SLC44A5: variants seen among roughly 807,000 people sequenced by gnomAD.
SLC44A5 encodes choline transporter-like protein 5.
A neutral mutation model predicts 101.8 loss-of-function variants in SLC44A5; 57 were observed. The ratio of observed to expected loss-of-function variants is 0.56; its 90% CI spans 0.45 to 0.70. SLC44A5 has a LOEUF of 0.70. Ranked by LOEUF, SLC44A5 falls within the 30% of genes least tolerant of loss-of-function variation. The pLI, the probability that SLC44A5 is intolerant of heterozygous loss-of-function variation, is 0.00. For missense variants in SLC44A5, 737 were observed against 853.1 expected (o/e 0.86, Z 1.70); for synonymous variants, 281 against 290.9 (o/e 0.97, Z 0.35).
intron 6 of SLC44A5, among the ~76,000 whole-genome samples, chr1:75,264,766 A>G (rs1650850412): frequency 6.6e-6 from 1 of 152,146 alleles, no homozygotes; most frequent in Non-Finnish European, 1.5e-5. Flanking sequence ...TAGTAGAAGT[A>G]AATAAATAAA....
intron 12 of SLC44A5, among the ~76,000 whole-genome samples, chr1:75,228,911 G>T (rs1472931239): frequency 6.6e-6 from 1 of 151,010 alleles, no homozygotes; most frequent in African/African-American, 2.4e-5. Flanking sequence ...AATTTTGCCT[G>T]CATAAAATAA....
At chr1:75,532,546 T>G (rs2101923523) in intron 2 of SLC44A5, among the ~76,000 whole-genome samples, 1 of 152,328 alleles carries the variant, frequency 6.6e-6, no homozygotes, top group South Asian at 2.1e-4. Flanking sequence ...TACCATTTCC[T>G]TGTCCCCTTC....
chr1:75,666,134 G>T, the SLC44A5 span, among the ~76,000 whole-genome samples: 1 of 152,090 alleles, frequency 6.6e-6, no homozygotes, highest in South Asian at 2.1e-4. Context: ...ATATCCAAAA[G>T]AAAATAAATT....
chr1:75,588,781 C>A (rs1674172818), intron 1 of SLC44A5, among the ~76,000 whole-genome samples: 1 of 151,870 alleles, frequency 6.6e-6, no homozygotes, highest in South Asian at 2.1e-4. Flanking sequence ...TTATTTCTTC[C>A]ACAAATAATT....
intron 3 of SLC44A5, among the ~76,000 whole-genome samples, chr1:75,378,091 G>A (rs1460582485): frequency 1.2e-5 from 1 of 81,494 alleles, no homozygotes; most frequent in Non-Finnish European, 2.1e-5. Context: ...CTAGGGTGAA[G>A]GTACGCTCGA....
the SLC44A5 span, among the ~76,000 whole-genome samples, chr1:75,701,985 C>G: frequency 2.5e-4 from 38 of 152,058 alleles, no homozygotes; most frequent in South Asian, 1.9e-3. Flanking sequence ...GAACTACAAA[C>G]CACTGCTCAA....
chr1:75,474,775 G>A (rs1264074973), intron 2 of SLC44A5, among the ~76,000 whole-genome samples: 2 of 151,986 alleles, frequency 1.3e-5, no homozygotes, highest in South Asian at 4.2e-4. Context: ...GATGTGAGTG[G>A]GCTTCCTTTA....
chr1:75,398,651 C>G (rs1438446866), intron 2 of SLC44A5, among the ~76,000 whole-genome samples: 1 of 152,074 alleles, frequency 6.6e-6, no homozygotes, highest in Non-Finnish European at 1.5e-5. Context: ...ATCTCCCAGG[C>G]TAAATTCCAT....
At chr1:75,679,872 C>T in the SLC44A5 span, among the ~76,000 whole-genome samples, 1 of 152,166 alleles carries the variant, frequency 6.6e-6, no homozygotes, top group Admixed American at 6.5e-5. Flanking sequence ...AAACCCATCT[C>T]ACGTGCAGAG....
At chr1:75,512,418 G>T (rs1669613795) in intron 2 of SLC44A5, among the ~76,000 whole-genome samples, 1 of 152,194 alleles carries the variant, frequency 6.6e-6, no homozygotes, top group African/African-American at 2.4e-5. Flanking sequence ...CACCTCTGTA[G>T]ATTACTTTCT....
At chr1:75,535,759 A>G (rs1257767091) in intron 2 of SLC44A5, among the ~76,000 whole-genome samples, 4 of 152,222 alleles carry the variant, frequency 2.6e-5, no homozygotes, top group Non-Finnish European at 5.9e-5. Flanking sequence ...CTTCCCCTGT[A>G]TCACATTACT....
chr1:75,374,113 G>A (rs1339342745), intron 3 of SLC44A5, among the ~76,000 whole-genome samples: 1 of 152,192 alleles, frequency 6.6e-6, no homozygotes, highest in Non-Finnish European at 1.5e-5. Flanking sequence ...AATGCAGAAG[G>A]CTTGGGACAA....
At chr1:75,318,121 A>T (rs933594277) in intron 4 of SLC44A5, among the ~76,000 whole-genome samples, 1 of 152,162 alleles carries the variant, frequency 6.6e-6, no homozygotes, top group African/African-American at 2.4e-5. Context: ...TCATGCCTGT[A>T]ATTCCAGCAA....
chr1:75,241,980 G>A (rs866502100), intron 9 of SLC44A5, 21 bp downstream of exon 9: 4 of 1,595,288 alleles, frequency 2.5e-6, no homozygotes, highest in South Asian at 1.1e-5. Flanking sequence ...ATGTTTCTAA[G>A]GTAAAATAGT....
chr1:75,538,726 A>G (rs769431987), intron 2 of SLC44A5, among the ~76,000 whole-genome samples: 37 of 152,214 alleles, frequency 2.4e-4, no homozygotes, highest in Non-Finnish European at 3.4e-4. Context: ...TTACTAGCAC[A>G]CTAATTTGGA....
At chr1:75,475,037 C>T (rs978398678) in intron 2 of SLC44A5, among the ~76,000 whole-genome samples, 1 of 152,238 alleles carries the variant, frequency 6.6e-6, no homozygotes, top group Admixed American at 6.5e-5. Context: ...CTGAGTTATT[C>T]ACACATCAGC....
intron 1 of SLC44A5, among the ~76,000 whole-genome samples, chr1:75,596,048 C>T (rs1016699872): frequency 6.6e-6 from 1 of 152,106 alleles, no homozygotes; most frequent in Non-Finnish European, 1.5e-5. Flanking sequence ...CAGCTAATAT[C>T]AAATCTTCTA....
At position 75,433,421 on chromosome 1, in the gene SLC44A5, G is replaced by C. The variant is rs1337955260; in HGVS notation, c.14-36800C>G. Among the ~76,000 whole-genome samples the C allele has an allele frequency of 2.6e-5, 4 of 152,008 alleles. 1 individual carries two copies. The highest frequency in any genetic ancestry group is 2.0e-4 in the Admixed American group (3 of 15,252). ...GATATTGCTAACCAGCCCTCATTAGGAATACTCTCTCTTTCTTGAATTTTC... is the reference window on the plus strand; with the variant it reads ...GATATTGCTAACCAGCCCTCATTAGCAATACTCTCTCTTTCTTGAATTTTC... On this transcript the variant is annotated intron_variant, in intron 2 of 23. Transcript: ENST00000370859.
intron 18 of SLC44A5, among the ~76,000 whole-genome samples, chr1:75,216,202 TA>T (rs1646958932): frequency 6.6e-6 from 1 of 152,046 alleles, no homozygotes; most frequent in Non-Finnish European, 1.5e-5. Context: ...GTGCTTCAAA[TA>T]GGAGGAATCA....
Sources: allele counts gnomAD v4.1 joint callset (sites outside exome capture counted in the v4.1 genomes callset), GRCh38; gene constraint gnomAD v4.1.1; transcripts MANE v1.5; gene names NCBI Gene and HGNC (gene_info 2026-07-23, HGNC 2026-07-21).